Variants in TTBK2 observed in about 807,000 individuals in gnomAD.
TTBK2 encodes tau tubulin kinase 2, also known as tau-tubulin kinase 2.
In TTBK2, 28 loss-of-function variants were observed where a neutral mutation model predicts 110.8. That is an observed-to-expected ratio of 0.25 (90% CI 0.19 to 0.35). TTBK2 has a LOEUF of 0.35. Ranked by LOEUF, TTBK2 falls within the 10% of genes least tolerant of loss-of-function variation. The pLI is 1.00. For synonymous variants in TTBK2, 532 were observed against 527.3 expected (o/e 1.01, Z -0.12); for missense variants, 1,369 against 1,500.3 (o/e 0.91, Z 1.45).
intron 1 of TTBK2, among the ~76,000 whole-genome samples, chr15:42,904,592 T>C (rs183214685): frequency 1.2e-4 from 19 of 152,270 alleles, no homozygotes; most frequent in South Asian, 6.2e-4. Context: ...GATCAAAATA[T>C]GGACAGAACA....
At position 42,775,422 on chromosome 15, in the gene TTBK2, C is replaced by T. The variant is rs749178642; in HGVS notation, c.1711G>A (p.Gly571Arg). 6.2e-7 allele frequency: 1 copy of T among 1,614,198 alleles called. No individual in the cohort carries two copies. Among genetic ancestry groups the T allele is most frequent in the Admixed American group, 1.7e-5 (1 of 60,024 alleles). ...GAAGGACTTCCAGTTGTTTTATGTC[C>T]TACAGCCTCATTTGTCCTAAAATCC... ...LQDFRTNEAV[G>R]HKTTGSPSDE... Residue 571 changes from glycine (G) to arginine (R), a missense_variant, in exon 13 of 15, where the codon GGA becomes AGA. This residue lies in a region of TTBK2 where 1,097 missense variants were observed against 1,114.7 expected (regional missense o/e 0.98). Transcript: ENST00000267890.
intron 9 of TTBK2, among the ~76,000 whole-genome samples, chr15:42,808,742 C>T (rs1177572713): frequency 6.6e-6 from 1 of 151,772 alleles, no homozygotes; most frequent in Non-Finnish European, 1.5e-5. Flanking sequence ...TCAAGCTACT[C>T]AGGAGGCTAA....
At chr15:42,821,845 C>G (rs1475134189) in intron 6 of TTBK2, among the ~76,000 whole-genome samples, 1 of 151,900 alleles carries the variant, frequency 6.6e-6, no homozygotes, top group Non-Finnish European at 1.5e-5. Context: ...TGCCCGCCAC[C>G]ACACCCAGCT....
intron 7 of TTBK2, among the ~76,000 whole-genome samples, chr15:42,812,575 A>G (rs1462976260): frequency 6.6e-6 from 1 of 152,204 alleles, no homozygotes; most frequent in Non-Finnish European, 1.5e-5. Context: ...TGCTATAGAA[A>G]AAGCCTCACC....
rs1468438812 is a variant in TTBK2 at position 42,871,665 on chromosome 15, G to T, written c.217+946C>A. 5 of 871,690 alleles carry T rather than the reference G, an allele frequency of 5.7e-6. No individual in the cohort carries two copies. In the East Asian group the frequency reaches 6.0e-4, roughly 105 times the overall value. The allele number at this position is 871,690 out of a possible 1,614,324, so 54.0% of individuals were successfully genotyped here. On this transcript the variant is annotated intron_variant, in intron 3 of 14. Transcript: ENST00000267890. ...AGAGAAATGTGGAGAAAATAGAAAA[G>T]GTCAGAAAAAGAAAGAGCCATCCTT...
rs1393860735 is a variant in TTBK2, at chr15:42,815,954, A to ATATATATATATATAT, written c.603+1077_603+1078insATATATATATATATA. The stretch of plus-strand genomic sequence containing the variant: ...AAAATATATATATATATATTTAAAA[A>ATATATATATATATAT]AAAAATATATATATATATATATATT... On this transcript the variant is annotated intron_variant, in intron 7 of 14. Transcript: ENST00000267890. Among the ~76,000 whole-genome samples, 21 of 53,388 alleles carry ATATATATATATATAT rather than the reference A, an allele frequency of 3.9e-4. No individual in the cohort carries two copies. In the South Asian group the frequency reaches 0.014, roughly 37 times the overall value. The allele number at this position is 53,388 out of a possible 152,430, so 35.0% of individuals were successfully genotyped here. A position where few individuals can be genotyped will look rare whatever the true frequency, so the allele number is the denominator to read the frequency against.
intron 3 of TTBK2, among the ~76,000 whole-genome samples, chr15:42,863,566 G>GA (rs573635566): frequency 0.013 from 1,929 of 150,886 alleles, 23 homozygotes; most frequent in Non-Finnish European, 0.021. Context: ...CACAGAATTA[G>GA]AAAAAAAAAT....
At chr15:42,919,269 ACTG>A (rs2031245050) in intron 1 of TTBK2, among the ~76,000 whole-genome samples, 2 of 119,346 alleles carry the variant, frequency 1.7e-5, no homozygotes, top group African/African-American at 6.2e-5. Context: ...TGTCATCATT[ACTG>A]CTTCTTTATT....
At position 42,775,139 on chromosome 15, in the gene TTBK2, G is replaced by A. The variant is rs1352286088; in HGVS notation, c.1994C>T (p.Thr665Ile). ...LMEAQAEGPL[T>I]AITIPRPSVA... ...TAATAAAAACAAATTTCTTACCGCTGTAAGGGGTCCTTCTGCCTGCGCCTC... is the reference window on the plus strand; with the variant it reads ...TAATAAAAACAAATTTCTTACCGCTATAAGGGGTCCTTCTGCCTGCGCCTC... The change falls in exon 13 of 15, where the codon ACA becomes ATA. Residue 665 changes from threonine to isoleucine, a missense_variant. This residue lies in a region of TTBK2 where 1,097 missense variants were observed against 1,114.7 expected (regional missense o/e 0.98). Coordinates refer to ENST00000267890, the MANE Select transcript of TTBK2 (RefSeq NM_173500.4). 3.7e-6 allele frequency: 6 copies of A among 1,613,176 alleles called. No homozygotes were observed. Among genetic ancestry groups the A allele is most frequent in the African/African-American group, 1.3e-5 (1 of 74,904 alleles).
chr15:42,781,836 T>C (rs1433072992), intron 11 of TTBK2, among the ~76,000 whole-genome samples: 9 of 152,112 alleles, frequency 5.9e-5, no homozygotes, highest in Admixed American at 4.6e-4. Flanking sequence ...GTTACCTCAG[T>C]GGGGATAGGG....
rs185663164 is a variant in TTBK2 at position 42,827,808 on chromosome 15, G to A, written c.537+120C>T. The stretch of plus-strand genomic sequence containing the variant: ...TCATTCTATAATTTAATCATTAAAT[G>A]TATATGCCACTTCTTAGATAACATC... On this transcript the variant is annotated intron_variant, in intron 6 of 14. Coordinates refer to ENST00000267890, the MANE Select transcript of TTBK2 (RefSeq NM_173500.4). 6.7e-5 allele frequency: 55 copies of A among 815,378 alleles called. No homozygotes were observed. In the African/African-American group the frequency reaches 8.0e-4, roughly 12 times the overall value. 50.5% of individuals were successfully genotyped at this position (815,378 alleles called of 1,614,324 possible). A position where few individuals can be genotyped will look rare whatever the true frequency, so the allele number is the denominator to read the frequency against.
At chr15:42,851,282 A>G (rs188664538) in intron 3 of TTBK2, among the ~76,000 whole-genome samples, 4 of 151,726 alleles carry the variant, frequency 2.6e-5, no homozygotes, top group Admixed American at 2.6e-4. Context: ...AGAAACTGAA[A>G]ATAGTTCAGG....
intron 7 of TTBK2, among the ~76,000 whole-genome samples, chr15:42,813,137 C>A (rs996662918): frequency 2.0e-5 from 3 of 152,048 alleles, no homozygotes; most frequent in African/African-American, 7.2e-5. Context: ...CACATCAAAT[C>A]CCAAACAGAT....
chr15:42,761,611 T>C (rs933576289), intron 13 of TTBK2, among the ~76,000 whole-genome samples: 1 of 141,770 alleles, frequency 7.1e-6, no homozygotes, highest in African/African-American at 2.6e-5. Flanking sequence ...AAGAAAAACA[T>C]CTCATTAGAA....
At chr15:42,789,773 T>A (rs1303281704) in intron 10 of TTBK2, among the ~76,000 whole-genome samples, 1 of 151,336 alleles carries the variant, frequency 6.6e-6, no homozygotes, top group African/African-American at 2.4e-5. Flanking sequence ...TGAATAATAG[T>A]CCATTATGTG....
intron 1 of TTBK2, among the ~76,000 whole-genome samples, chr15:42,882,943 G>A (rs1490402220): frequency 6.6e-6 from 1 of 152,186 alleles, no homozygotes; most frequent in East Asian, 1.9e-4. Flanking sequence ...AACAGCAATG[G>A]AGGAAGAGCA....
At position 42,920,680 on chromosome 15, in the gene TTBK2, TC is replaced by T; in HGVS notation, c.-311del. 6.4e-6 allele frequency: 1 copy of T among 155,118 alleles called. No individual in the cohort carries two copies. The highest frequency in any genetic ancestry group is 2.4e-5 in the African/African-American group (1 of 41,184). The allele number at this position is 155,118 out of a possible 1,614,324, so 9.6% of individuals were successfully genotyped here. A position where few individuals can be genotyped will look rare whatever the true frequency, so the allele number is the denominator to read the frequency against. On this transcript the variant is annotated 5_prime_UTR_variant, in exon 1 of 15. It removes the in-frame stop codon of an upstream open reading frame in the 5' UTR. Coordinates refer to ENST00000267890, the MANE Select transcript of TTBK2 (RefSeq NM_173500.4). ...TGCTGCTGTTACTGCTGCTGCCGGC[TC>T]CCCCAAGCCGCTGCTCTTGTGCCAG... is the stretch of plus-strand genomic sequence containing the variant.
intron 13 of TTBK2, among the ~76,000 whole-genome samples, chr15:42,764,909 G>A (rs1295618546): frequency 1.3e-5 from 2 of 152,228 alleles, no homozygotes; most frequent in African/African-American, 4.8e-5. Flanking sequence ...GAAGCTTCCA[G>A]AGGAAGGATC....
intron 4 of TTBK2, among the ~76,000 whole-genome samples, chr15:42,839,927 T>C (rs1253815923): frequency 6.6e-6 from 1 of 152,200 alleles, no homozygotes; most frequent in African/African-American, 2.4e-5. Context: ...TCCCTAGATC[T>C]TGGATTTTCC....
Sources: allele counts gnomAD v4.1 joint callset (sites outside exome capture counted in the v4.1 genomes callset), GRCh38; gene constraint gnomAD v4.1.1; regional missense constraint gnomAD v4.1.1; transcripts MANE v1.5; gene names NCBI Gene and HGNC (gene_info 2026-07-23, HGNC 2026-07-21).